Variants in BRAT1 observed in about 807,000 individuals in gnomAD.
BRAT1 encodes integrator complex assembly factor BRAT1.
Under a neutral mutation model 70.6 loss-of-function variants are expected in BRAT1, and 74 were observed. That is an observed-to-expected ratio of 1.05 (90% CI 0.87 to 1.27). The LOEUF (loss-of-function observed/expected upper bound fraction) is 1.27, where lower values mean the gene tolerates loss of function less well. Ranked by LOEUF, BRAT1 falls within the 50% of genes most tolerant of loss-of-function variation. The probability of loss-of-function intolerance (pLI) is 0.00; values close to 1 mark genes in which losing one functional copy is unlikely to be tolerated. For missense variants in BRAT1, 1,203 were observed against 1,098.2 expected (o/e 1.10, Z -1.35); for synonymous variants, 615 against 517.1 (o/e 1.19, Z -2.57).
At position 2,543,174 on chromosome 7, in the gene BRAT1, C is replaced by T. The variant is rs765705915; in HGVS notation, c.923+30G>A. 5 of 1,533,858 alleles carry T rather than the reference C, an allele frequency of 3.3e-6. No homozygotes were observed. The South Asian group carries it at 6.2e-5, about 19-fold the overall frequency. ...TGCCTGCCCCAGCTCCCAGCACCCGCCTCGGAATGAAATGCACCCCAGACC... is the reference window on the plus strand; with the variant it reads ...TGCCTGCCCCAGCTCCCAGCACCCGTCTCGGAATGAAATGCACCCCAGACC... On this transcript the variant is annotated intron_variant, in intron 6 of 13. Transcript: ENST00000340611. The surrounding 1 kb of genome is among the most constrained non-coding windows in gnomAD (Gnocchi z 5.5).
intron 6 of BRAT1, chr7:2,542,865 GC>G (rs763458059): frequency 2.1e-4 from 39 of 188,968 alleles, no homozygotes; most frequent in Non-Finnish European, 4.2e-4. Context: ...GTGCTGGGGA[GC>G]TCCGAAACCC....
chr7:2,554,237 C>G (rs1780244431), intron 2 of BRAT1, 68 bp downstream of exon 2: 1 of 1,582,820 alleles, frequency 6.3e-7, no homozygotes, highest in Non-Finnish European at 8.6e-7. Context: ...CATCTGGCCC[C>G]TGCTCCCTGT....
At chr7:2,538,853 C>A in intron 13 of BRAT1, 89 bp from the exon 14 acceptor site, 1 of 1,545,954 alleles carries the variant, frequency 6.5e-7, no homozygotes, top group South Asian at 1.2e-5. Flanking sequence ...TGGGGGCTGG[C>A]CCCGGACATG....
At chr7:2,545,397 A>AG (rs1180429116) in intron 3 of BRAT1, among the ~76,000 whole-genome samples, 54 of 135,874 alleles carry the variant, frequency 4.0e-4, no homozygotes, top group Admixed American at 8.8e-4. Flanking sequence ...AAAAGAGGTG[A>AG]GGGGACCTGG....
In BRAT1 at chr7:2,541,279, C is replaced by A; in HGVS notation, c.1321+19G>T. Reference sequence around the variant, plus strand: ...GCACAGGGATAGCCCCACGCCAAAGCCGTACAGAACACACTCACCTGTCCC... The same window carrying A: ...GCACAGGGATAGCCCCACGCCAAAGACGTACAGAACACACTCACCTGTCCC... On this transcript the variant is annotated intron_variant, in intron 9 of 13. Coordinates refer to ENST00000340611, the MANE Select transcript of BRAT1 (RefSeq NM_152743.4). The A allele has an allele frequency of 6.4e-7, 1 of 1,554,062 alleles. No individual in the cohort carries two copies. Among genetic ancestry groups the A allele is most frequent in the Non-Finnish European group, 8.7e-7 (1 of 1,153,120 alleles).
rs1779702078 is a variant in BRAT1 at position 2,547,490 on chromosome 7, G to A, written c.128-12C>T. On this transcript the variant is annotated splice_polypyrimidine_tract_variant and intron_variant, in intron 2 of 13. Transcript: ENST00000340611. ...CACGACACTGGACTCTGTGGGGATG[G>A]CCCAGCCCAGGGGTCACCAGGGGTA... The A allele has an allele frequency of 6.2e-7, 1 of 1,613,226 alleles. No homozygotes were observed. The highest frequency in any genetic ancestry group is 8.5e-7 in the Non-Finnish European group (1 of 1,179,722).
Position 2,541,366 on chromosome 7 carries a change from G to T in BRAT1, c.1253C>A (p.Thr418Asn), listed in dbSNP as rs150583862. Residue 418 changes from threonine (T) to asparagine (N), a missense_variant, in exon 9 of 14, where the codon ACC becomes AAC. Physicochemically the swap from Thr to Asn is moderately conservative, Grantham distance 65. Coordinates refer to ENST00000340611, the MANE Select transcript of BRAT1 (RefSeq NM_152743.4). ...CTGGACCCGGACGCAGCCCGCCAGG[G>T]TCCCACAGAGGTGGCCCCCCACACT... is the stretch of plus-strand genomic sequence containing the variant. The part of the protein sequence containing the change: ...ASSVGGHLCG[T>N]LAGCVRVQRA... The T allele has an allele frequency of 3.6e-5, 58 of 1,607,636 alleles. No homozygotes were observed. The highest frequency in any genetic ancestry group is 4.7e-5 in the Non-Finnish European group (56 of 1,179,590).
chr7:2,537,881 G>T lies in BRAT1; in HGVS notation c.*188C>A. ...GAAAGACTTCAATGCCATTTATTTT[G>T]AGTAGAAATAAGTCATTTCTTTAAT... On this transcript the variant is annotated 3_prime_UTR_variant, in exon 14 of 14. Coordinates refer to ENST00000340611, the MANE Select transcript of BRAT1 (RefSeq NM_152743.4). 1.1e-6 allele frequency: 1 copy of T among 949,948 alleles called. No individual in the cohort carries two copies. Among genetic ancestry groups the T allele is most frequent in the Non-Finnish European group, 1.4e-6 (1 of 700,330 alleles). 58.8% of individuals were successfully genotyped at this position (949,948 alleles called of 1,614,324 possible).
In BRAT1 at chr7:2,539,616, G is replaced by A; in HGVS notation, c.1525C>T (p.Leu509=). Residue 509 remains leucine (L), a synonymous_variant, in exon 12 of 14, where the codon CTG becomes TTG. Transcript: ENST00000340611. ...CTCACCTCCCAGCAGGGGTGGCACAGGCGTTTCTGCAGCACAGGGAACAGC... is the reference window on the plus strand; with the variant it reads ...CTCACCTCCCAGCAGGGGTGGCACAAGCGTTTCTGCAGCACAGGGAACAGC... ...RELFPVLQKR[L]CHPCWEVRDS... 6.3e-7 allele frequency: 1 copy of A among 1,594,520 alleles called. No homozygotes were observed.
chr7:2,544,774 T>C, intron 4 of BRAT1, 135 bp downstream of exon 4: 2 of 1,345,886 alleles, frequency 1.5e-6, no homozygotes, highest in South Asian at 1.5e-5. Context: ...TGGACAGCCG[T>C]ACTGTCACAG....
At chr7:2,542,529 T>TCCCCAGGTGC in intron 6 of BRAT1, 1 of 135,822 alleles carries the variant, frequency 7.4e-6, no homozygotes, top group Non-Finnish European at 1.3e-5. Flanking sequence ...CCCCCAGGTG[T>TCCCCAGGTGC]GTACAGCGTC....
rs752163080 is a variant in BRAT1 at position 2,539,291 on chromosome 7, A to T, written c.1658T>A (p.Leu553His). The T allele has an allele frequency of 1.2e-6, 2 of 1,611,918 alleles. No homozygotes were observed. Among genetic ancestry groups the T allele is most frequent in the Admixed American group, 1.7e-5 (1 of 60,012 alleles). ...ASEVPQLALQLLQDPESYVRA... is the reference protein window; with the variant it reads ...ASEVPQLALQHLQDPESYVRA... ...GACATAACTCTCAGGGTCCTGGAGGAGCTGCAGGGCCAGCTGAGGCACCTC... is the reference window on the plus strand; with the variant it reads ...GACATAACTCTCAGGGTCCTGGAGGTGCTGCAGGGCCAGCTGAGGCACCTC... Residue 553 changes from leucine to histidine, a missense_variant, in exon 13 of 14, where the codon CTC (leucine) becomes CAC (histidine). Physicochemically the swap from Leu to His is moderately conservative, Grantham distance 99 (BLOSUM62 -3). Coordinates refer to ENST00000340611, the MANE Select transcript of BRAT1 (RefSeq NM_152743.4).
Position 2,541,349 on chromosome 7 carries a change from G to A in BRAT1, c.1270C>T (p.Arg424Trp), listed in dbSNP as rs1346287649. The A allele has an allele frequency of 4.4e-6, 7 of 1,605,546 alleles. No individual in the cohort carries two copies. Among genetic ancestry groups the A allele is most frequent in the South Asian group, 1.1e-5 (1 of 90,984 alleles). ...AAGTCGAGGGCTGCTCGCTGGACCC[G>A]GACGCAGCCCGCCAGGGTCCCACAG... Reference protein sequence around the residue: ...HLCGTLAGCVRVQRAALDFLG... With the variant: ...HLCGTLAGCVWVQRAALDFLG... The change falls in exon 9 of 14, where the codon CGG (arginine) becomes TGG (tryptophan). Residue 424 changes from arginine (R) to tryptophan (W), a missense_variant. Physicochemically the swap from Arg to Trp is moderately radical, Grantham distance 101. Transcript: ENST00000340611.
At chr7:2,545,949 G>C (rs1048581119) in intron 3 of BRAT1, among the ~76,000 whole-genome samples, 3 of 152,250 alleles carry the variant, frequency 2.0e-5, no homozygotes, top group African/African-American at 7.2e-5. Flanking sequence ...CATCGTGAAC[G>C]GCAAGCTAAC....
At position 2,543,623 on chromosome 7, in the gene BRAT1, T is replaced by G. The variant is rs201957861; in HGVS notation, c.770A>C (p.His257Pro). ...LLERDPIPAA[H>P]SFVDLLLCVA... ...ACAGAGAAGCAGGTCCACGAACGAG[T>G]GTGCGGCGGGGATGGGGTCTCTCTC... is the stretch of plus-strand genomic sequence containing the variant. The change falls in exon 5 of 14, where the codon CAC becomes CCC. Residue 257 changes from histidine to proline, a missense_variant. By Grantham distance (77) the His-to-Pro change is moderately conservative. Coordinates refer to ENST00000340611, the MANE Select transcript of BRAT1 (RefSeq NM_152743.4). The surrounding 1 kb of genome is among the most constrained non-coding windows in gnomAD (Gnocchi z 5.5). 1.4e-5 allele frequency: 21 copies of G among 1,526,924 alleles called. No individual in the cohort carries two copies. Among genetic ancestry groups the G allele is most frequent in the East Asian group, 2.3e-5 (1 of 43,088 alleles). 94.6% of individuals were successfully genotyped at this position (1,526,924 alleles called of 1,614,324 possible). A position where few individuals can be genotyped will look rare whatever the true frequency, so the allele number is the denominator to read the frequency against.
intron 2 of BRAT1, among the ~76,000 whole-genome samples, chr7:2,551,411 C>A (rs1447650581): frequency 1.3e-5 from 2 of 151,484 alleles, no homozygotes; most frequent in Non-Finnish European, 2.9e-5. Flanking sequence ...TAAATACAGG[C>A]CAGGCATGGT....
At chr7:2,551,204 G>C (rs1779977248) in intron 2 of BRAT1, among the ~76,000 whole-genome samples, 1 of 149,672 alleles carries the variant, frequency 6.7e-6, no homozygotes, top group South Asian at 2.1e-4. Flanking sequence ...TTGTGCCATT[G>C]CACCCCAGCC....
chr7:2,545,706 T>C (rs1447885373), intron 3 of BRAT1, among the ~76,000 whole-genome samples: 6 of 152,100 alleles, frequency 3.9e-5, no homozygotes. Context: ...GTTAGCCTGG[T>C]CTCGAACTCC....
intron 2 of BRAT1, among the ~76,000 whole-genome samples, chr7:2,553,336 C>T (rs61699540): frequency 0.01 from 1,551 of 152,174 alleles, 33 homozygotes; most frequent in African/African-American, 0.035. Context: ...TGACCTATGA[C>T]ACTACTTAAA....
Sources: gnomAD v4.1 joint callset for allele counts (sites outside exome capture counted in the v4.1 genomes callset) on GRCh38, gnomAD v4.1.1 for gene constraint, Gnocchi (gnomAD v3.1) non-coding constraint, MANE v1.5 for transcripts, NCBI Gene and HGNC (gene_info 2026-07-23, HGNC 2026-07-21) for gene names.